Variants in FSD1L observed in about 807,000 individuals in gnomAD.
FSD1L encodes fibronectin type III and SPRY domain containing 1 like.
In FSD1L, 45 loss-of-function variants were observed where a neutral mutation model predicts 71.6. That is an observed-to-expected ratio of 0.63 (90% CI 0.49 to 0.81). The LOEUF (loss-of-function observed/expected upper bound fraction) is 0.81, where lower values mean the gene tolerates loss of function less well. Among genes scored for constraint, FSD1L ranks in the 30% least tolerant of loss-of-function variants. The probability of loss-of-function intolerance (pLI) is 0.00; values close to 1 mark genes in which losing one functional copy is unlikely to be tolerated. For synonymous variants in FSD1L, 197 were observed against 207.2 expected, an observed-to-expected ratio of 0.95 and a Z score of 0.42; for missense variants, 561 against 618.1, an observed-to-expected ratio of 0.91 and a Z score of 0.98.
At chr9:105,469,676 C>T (rs1461979064) in intron 4 of FSD1L, among the ~76,000 whole-genome samples, 1 of 148,112 alleles carries the variant, frequency 6.8e-6, no homozygotes, top group African/African-American at 2.5e-5. Context: ...TGGATATTAA[C>T]TCCTTATCAG....
At chr9:105,507,427 G>A (rs1834121621) in intron 8 of FSD1L, among the ~76,000 whole-genome samples, 1 of 152,198 alleles carries the variant, frequency 6.6e-6, no homozygotes, top group Non-Finnish European at 1.5e-5. Flanking sequence ...ATGGGCTCAA[G>A]TGTATTACAT....
intron 7 of FSD1L, among the ~76,000 whole-genome samples, chr9:105,487,146 AT>A (rs918137435): frequency 6.6e-6 from 1 of 152,028 alleles, no homozygotes. Context: ...ACATCACTTT[AT>A]TTTTTTTCAT....
intron 10 of FSD1L, chr9:105,522,119 G>A (rs1030277629): frequency 1.9e-6 from 3 of 1,613,794 alleles, no homozygotes; most frequent in Admixed American, 3.3e-5. Flanking sequence ...CACTTTTCCA[G>A]ACCCTTATAG....
At chr9:105,459,702 CT>C (rs1459730512) in intron 1 of FSD1L, among the ~76,000 whole-genome samples, 4 of 152,196 alleles carry the variant, frequency 2.6e-5, no homozygotes, top group Non-Finnish European at 5.9e-5. Flanking sequence ...TGAATGGTTG[CT>C]TTTTCTGCAG....
chr9:105,459,320 C>T (rs757763468), intron 1 of FSD1L, among the ~76,000 whole-genome samples: 2 of 152,194 alleles, frequency 1.3e-5, no homozygotes, highest in Non-Finnish European at 2.9e-5. Context: ...TCCAGTTCTA[C>T]TGAGCACCAA....
rs940959507 is a variant in FSD1L, at chr9:105,520,180, T to C, written c.1025+7244T>C. ...GTGAAGAAGTCCACCCAGAAGGTGC[T>C]AGACACCAAGAAGGACGCACTGACT... On this transcript the variant is annotated intron_variant, in intron 10 of 13. Coordinates refer to ENST00000481272, the MANE Select transcript of FSD1L (RefSeq NM_001145313.3). 7.3e-5 allele frequency: 118 copies of C among 1,611,290 alleles called. No individual in the cohort carries two copies. In the Admixed American group the frequency reaches 1.9e-3, roughly 26 times the overall value.
chr9:105,531,070 T>C (rs1423454569), intron 10 of FSD1L: 1 of 152,382 alleles, frequency 6.6e-6, no homozygotes, highest in Non-Finnish European at 1.5e-5. Flanking sequence ...ACCCTTTTAA[T>C]CCCTACTCCT....
At position 105,468,203 on chromosome 9, in the gene FSD1L, C is replaced by T; in HGVS notation, c.218C>T (p.Ser73Phe). The T allele has an allele frequency of 2.1e-6, 3 of 1,399,632 alleles. No individual in the cohort carries two copies. Among genetic ancestry groups the T allele is most frequent in the Non-Finnish European group, 2.8e-6 (3 of 1,076,976 alleles). The allele number at this position is 1,399,632 out of a possible 1,614,324, so 86.7% of individuals were successfully genotyped here. A position where few individuals can be genotyped will look rare whatever the true frequency, so the allele number is the denominator to read the frequency against. ...TTGTTTTTTAAACAGGAAAATTCGT[C>T]CAACATACTCTCAGAGTTAGATGAA... ...HTLKGVQENS[S>F]NILSELDEEF... The change falls in exon 4 of 14, where the codon TCC (serine) becomes TTC (phenylalanine). Residue 73 changes from serine to phenylalanine, a missense_variant. Physicochemically the swap from Ser to Phe is radical, Grantham distance 155. Transcript: ENST00000481272.
At chr9:105,543,923 C>T (rs1215319741) in intron 13 of FSD1L, among the ~76,000 whole-genome samples, 1 of 152,068 alleles carries the variant, frequency 6.6e-6, no homozygotes, top group Non-Finnish European at 1.5e-5. Flanking sequence ...AGCAGCATGA[C>T]TTATAATCCT....
At position 105,521,062 on chromosome 9, in the gene FSD1L, C is replaced by T. The variant is rs116388178; in HGVS notation, c.1025+8126C>T. 3,165 of 1,613,266 alleles carry T rather than the reference C, an allele frequency of 2.0e-3. 47 individuals are homozygous for T. In the African/African-American group the frequency reaches 0.033, roughly 17 times the overall value. On this transcript the variant is annotated intron_variant, in intron 10 of 13. Coordinates refer to ENST00000481272, the MANE Select transcript of FSD1L (RefSeq NM_001145313.3). Reference sequence around the variant, plus strand: ...TTATATCATCCTATACTTGACATCCCGCAGATGAGACCAAAGCCACATTAT... The same window carrying T: ...TTATATCATCCTATACTTGACATCCTGCAGATGAGACCAAAGCCACATTAT...
chr9:105,446,337 A>G (rs1829645503), upstream of FSD1L, among the ~76,000 whole-genome samples: 1 of 151,538 alleles, frequency 6.6e-6, no homozygotes, highest in Non-Finnish European at 1.5e-5. Context: ...TGAAAAATTA[A>G]ACCCTCCCAA....
chr9:105,458,919 G>T (rs116866483), intron 1 of FSD1L, among the ~76,000 whole-genome samples: 2 of 152,178 alleles, frequency 1.3e-5, no homozygotes, highest in African/African-American at 4.8e-5. Flanking sequence ...TTCTGTCTTC[G>T]CTCTTGATTA....
chr9:105,486,853 A>G (rs1380654694), intron 7 of FSD1L, among the ~76,000 whole-genome samples: 1 of 152,126 alleles, frequency 6.6e-6, no homozygotes, highest in African/African-American at 2.4e-5. Context: ...CTCATCTCAG[A>G]CTTCCAATTT....
At chr9:105,469,900 GTT>G (rs1831340859) in intron 4 of FSD1L, among the ~76,000 whole-genome samples, 2 of 152,160 alleles carry the variant, frequency 1.3e-5, no homozygotes, top group Admixed American at 1.3e-4. Context: ...TAGAGCTTAT[GTT>G]TAGGTCTTTA....
intron 7 of FSD1L, among the ~76,000 whole-genome samples, chr9:105,492,433 T>C (rs545163339): frequency 6.6e-6 from 1 of 152,276 alleles, no homozygotes; most frequent in Admixed American, 6.5e-5. Flanking sequence ...ATTTTGTTCA[T>C]CCTTTCAAAA....
intron 7 of FSD1L, among the ~76,000 whole-genome samples, chr9:105,493,186 G>T (rs982613977): frequency 2.0e-5 from 3 of 152,080 alleles, no homozygotes; most frequent in South Asian, 2.1e-4. Flanking sequence ...GGGTGCTCCT[G>T]TATTGGGTGC....
Position 105,501,683 on chromosome 9 carries a change from C to G in FSD1L, c.587-4716C>G, listed in dbSNP as rs569402156. Among the ~76,000 whole-genome samples the G allele has an allele frequency of 1.1e-4, 17 of 151,884 alleles. No homozygotes were observed. In the East Asian group the frequency reaches 2.7e-3, roughly 24 times the overall value. ...TCCTGGCCTCAAGCCATCCTCTAGC[C>G]ATAGTCTCCCAAAGTGCTGGGATTA... On this transcript the variant is annotated intron_variant, in intron 7 of 13. Coordinates refer to ENST00000481272, the MANE Select transcript of FSD1L (RefSeq NM_001145313.3).
chr9:105,490,177 A>C (rs1166604846), intron 7 of FSD1L, among the ~76,000 whole-genome samples: 1 of 152,074 alleles, frequency 6.6e-6, no homozygotes, highest in East Asian at 1.9e-4. Context: ...TTGTTTCCTG[A>C]CTTTTTAATG....
At chr9:105,475,961 G>A (rs1831769020) in intron 5 of FSD1L, among the ~76,000 whole-genome samples, 1 of 151,924 alleles carries the variant, frequency 6.6e-6, no homozygotes, top group Admixed American at 6.6e-5. Flanking sequence ...ATAAGGCTTT[G>A]AGGCTCTTTT....
Sources: gnomAD v4.1 joint callset for allele counts (sites outside exome capture counted in the v4.1 genomes callset) on GRCh38, gnomAD v4.1.1 for gene constraint, MANE v1.5 for transcripts, NCBI Gene and HGNC (gene_info 2026-07-23, HGNC 2026-07-21) for gene names.